The following TMEM176B variants were observed in gnomAD, a reference collection of about 807,000 sequenced individuals.
The protein encoded by TMEM176B is transmembrane protein 176B.
In TMEM176B, 28 loss-of-function variants were observed where a neutral mutation model predicts 30.3. The observed-to-expected ratio is 0.92, with a 90% CI of 0.68 to 1.27. The LOEUF is 1.27. Ranked by LOEUF, TMEM176B falls within the 50% of genes most tolerant of loss-of-function variation. The pLI is 0.00. For synonymous variants in TMEM176B, 123 were observed against 130.3 expected (o/e 0.94, Z 0.38); for missense variants, 349 against 327.4 (o/e 1.07, Z -0.51).
intron 1 of TMEM176B, chr7:150,796,800 A>C: frequency 2.0e-6 from 1 of 508,942 alleles, no homozygotes; most frequent in Non-Finnish European, 3.6e-6. Context: ...CTCTACTAAA[A>C]ATACAAAAAT....
chr7:150,800,570 G>A (rs140839266), upstream of TMEM176B: 1,733 of 152,482 alleles, frequency 0.011, 37 homozygotes, highest in African/African-American at 0.039. Context: ...GGGCGGGGCT[G>A]GAGGCGAGAA....
chr7:150,799,162 T>C (rs995527716), intron 1 of TMEM176B, among the ~76,000 whole-genome samples: 5 of 152,378 alleles, frequency 3.3e-5, no homozygotes, highest in Non-Finnish European at 4.4e-5. Flanking sequence ...GTTGCTGTCA[T>C]TCAGATGTTT....
chr7:150,796,594 T>C lies in TMEM176B; in HGVS notation c.-5-20A>G, dbSNP rs746053526. On this transcript the variant is annotated intron_variant, in intron 1 of 6. Coordinates refer to ENST00000326442, the MANE Select transcript of TMEM176B (RefSeq NM_001101312.2). ...TCCTGCCTGCCAGGGAGAAGACATATAGCAGTGAGGTCTGGGAACTAGGCG... is the reference window on the plus strand; with the variant it reads ...TCCTGCCTGCCAGGGAGAAGACATACAGCAGTGAGGTCTGGGAACTAGGCG... 1.5e-5 allele frequency: 24 copies of C among 1,611,998 alleles called. No homozygotes were observed. The South Asian group carries it at 2.3e-4, about 16-fold the overall frequency.
At chr7:150,796,159 T>C (rs999941513) in intron 2 of TMEM176B, among the ~76,000 whole-genome samples, 3 of 152,182 alleles carry the variant, frequency 2.0e-5, no homozygotes, top group Non-Finnish European at 4.4e-5. Context: ...TGAAGGGCAA[T>C]ATGTAACATT....
chr7:150,793,834 A>G, intron 3 of TMEM176B, 127 bp downstream of exon 3: 2 of 944,582 alleles, frequency 2.1e-6, no homozygotes, highest in Non-Finnish European at 3.2e-6. Context: ...CAGCCTCCTC[A>G]TGGCCAAAGG....
chr7:150,792,287 A>ACTGTGTTTCCAG, intron 5 of TMEM176B, 112 bp from the exon 6 acceptor site: 1 of 1,366,844 alleles, frequency 7.3e-7, no homozygotes, highest in Non-Finnish European at 1.0e-6. Context: ...TGCTGCTCCC[A>ACTGTGTTTCCAG]CCACAGCTGA....
intron 2 of TMEM176B, among the ~76,000 whole-genome samples, chr7:150,795,152 C>T (rs1798477996): frequency 6.6e-6 from 1 of 152,186 alleles, no homozygotes; most frequent in African/African-American, 2.4e-5. Context: ...GATCCTCGAT[C>T]CTTCTCACCT....
intron 1 of TMEM176B, among the ~76,000 whole-genome samples, chr7:150,798,302 T>C (rs1798604686): frequency 6.6e-6 from 1 of 152,234 alleles, no homozygotes; most frequent in African/African-American, 2.4e-5. Flanking sequence ...TTATTCATTT[T>C]TTGAGATGGA....
At chr7:150,793,883 C>T in intron 3 of TMEM176B, 78 bp downstream of exon 3, 1 of 1,321,050 alleles carries the variant, frequency 7.6e-7, no homozygotes, top group Non-Finnish European at 1.1e-6. Context: ...TCCCCAAAGC[C>T]CCAACCAAGA....
intron 1 of TMEM176B, among the ~76,000 whole-genome samples, chr7:150,799,770 G>T (rs920122465): frequency 2.4e-4 from 36 of 152,012 alleles, no homozygotes; most frequent in Non-Finnish European, 3.7e-4. Flanking sequence ...CTACCTCCGG[G>T]CCCCCAGGAC....
rs1391319941 is a variant in TMEM176B at position 150,793,184 on chromosome 7, GT to G, written c.503del (p.Asp168AlafsTer32). The G allele has an allele frequency of 2.5e-6, 4 of 1,614,088 alleles. No homozygotes were observed. In the African/African-American group the frequency reaches 5.3e-5, roughly 22 times the overall value. On this transcript the variant is annotated frameshift_variant, in exon 5 of 7. Transcript: ENST00000326442. LOFTEE classifies it high-confidence loss of function. ...LYIDTVCDRS[D>X]PVFPTTGYRW... Reference sequence around the variant, plus strand: ...TGTACCCAGTGGTAGGGAAGACAGGGTCTGAGCGATCACACACAGTGTCGAT... The same window carrying G: ...TGTACCCAGTGGTAGGGAAGACAGGGCTGAGCGATCACACACAGTGTCGAT...
Position 150,796,459 on chromosome 7 carries a change from C to T in TMEM176B, c.111G>A (p.Leu37=), listed in dbSNP as rs1456544336. Residue 37 remains leucine (L), a synonymous_variant, in exon 2 of 7, where the codon CTG becomes CTA. Transcript: ENST00000326442. Reference sequence around the variant, plus strand: ...ACTTCTTCAGAGAACCTCCAGCTTTCAGCAGTTGTGTCAAAGCTGACTCCT... The same window carrying T: ...ACTTCTTCAGAGAACCTCCAGCTTTTAGCAGTTGTGTCAAAGCTGACTCCT... The part of the protein sequence containing the change: ...IHQESALTQL[L]KAGGSLKKFL... 9.3e-6 allele frequency: 15 copies of T among 1,614,078 alleles called. No individual in the cohort carries two copies. The highest frequency in any genetic ancestry group is 2.2e-5 in the East Asian group (1 of 44,890).
Position 150,793,273 on chromosome 7 carries a change from C to A in TMEM176B, c.415G>T (p.Ala139Ser). 14 of 1,614,200 alleles carry A rather than the reference C, an allele frequency of 8.7e-6. No homozygotes were observed. Among genetic ancestry groups the A allele is most frequent in the Non-Finnish European group, 1.1e-5 (13 of 1,180,044 alleles). The change falls in exon 5 of 7, where the codon GCT becomes TCT. Residue 139 changes from alanine (A) to serine (S), a missense_variant. Ala to Ser is a moderately conservative substitution (Grantham distance 99). Coordinates refer to ENST00000326442, the MANE Select transcript of TMEM176B (RefSeq NM_001101312.2). ...ACGCAGAGGACAACAGCAGCCATAG[C>A]TGTAGCAAAGCCTGCCAGGGTGAGC... ...SLLTLAGFAT[A>S]MAAVVLCVNS...
chr7:150,792,747 G>A (rs574827155), intron 5 of TMEM176B, among the ~76,000 whole-genome samples: 14 of 152,302 alleles, frequency 9.2e-5, no homozygotes, highest in African/African-American at 1.9e-4. Context: ...TCACAGCACC[G>A]TGAGAAATAA....
chr7:150,796,543 A>G lies in TMEM176B; in HGVS notation c.27T>C (p.Asn9=). The change falls in exon 2 of 7, where the codon AAT becomes AAC. Residue 9 remains asparagine, a synonymous_variant. Coordinates refer to ENST00000326442, the MANE Select transcript of TMEM176B (RefSeq NM_001101312.2). The part of the protein sequence containing the change: MTQNTVIV[N]GVAMASRPSQ... Reference sequence around the variant, plus strand: ...ATGGCCTAGAGGCCATAGCAACTCCATTCACAATCACCGTGTTTTGCGTCA... The same window carrying G: ...ATGGCCTAGAGGCCATAGCAACTCCGTTCACAATCACCGTGTTTTGCGTCA... 6.2e-7 allele frequency: 1 copy of G among 1,614,172 alleles called. No individual in the cohort carries two copies. The highest frequency in any genetic ancestry group is 1.1e-5 in the South Asian group (1 of 91,082).
rs1798319697 is a variant in TMEM176B at position 150,791,771 on chromosome 7, C to T, written c.721-148G>A. 7 of 844,918 alleles carry T rather than the reference C, an allele frequency of 8.3e-6. No individual in the cohort carries two copies. The South Asian group carries it at 1.1e-4, about 13-fold the overall frequency. 52.3% of individuals were successfully genotyped at this position (844,918 alleles called of 1,614,324 possible). A position where few individuals can be genotyped will look rare whatever the true frequency, so the allele number is the denominator to read the frequency against. ...ATCAGGCAAAAAAAAAACAAGGTGG[C>T]AGAGGAAGGGGAGTCAGACGAACAC... is the stretch of plus-strand genomic sequence containing the variant. On this transcript the variant is annotated intron_variant, in intron 6 of 6. Coordinates refer to ENST00000326442, the MANE Select transcript of TMEM176B (RefSeq NM_001101312.2).
At position 150,793,084 on chromosome 7, in the gene TMEM176B, T is replaced by C; in HGVS notation, c.600+4A>G. On this transcript the variant is annotated splice_donor_region_variant and intron_variant, in intron 5 of 6. Coordinates refer to ENST00000326442, the MANE Select transcript of TMEM176B (RefSeq NM_001101312.2). Reference sequence around the variant, plus strand: ...TCCCCGAAGACTGGACTCTTCCTGCTCACCCTCAGCATCTGCATGTAAGCT... The same window carrying C: ...TCCCCGAAGACTGGACTCTTCCTGCCCACCCTCAGCATCTGCATGTAAGCT... 6.2e-7 allele frequency: 1 copy of C among 1,613,922 alleles called. No individual in the cohort carries two copies. Among genetic ancestry groups the C allele is most frequent in the African/African-American group, 1.3e-5 (1 of 75,038 alleles).
chr7:150,796,831 G>T, intron 1 of TMEM176B: 1 of 398,560 alleles, frequency 2.5e-6, no homozygotes, highest in South Asian at 2.4e-5. Flanking sequence ...GTGTGCACCT[G>T]TAGTCCCAGC....
Position 150,791,621 on chromosome 7 carries a change from A to C in TMEM176B, c.723T>G (p.Asn241Lys). The change falls in exon 7 of 7, where the codon AAT (asparagine) becomes AAG (lysine). Residue 241 changes from asparagine to lysine, a missense_variant and splice_region_variant. Physicochemically the swap from Asn to Lys is moderately conservative, Grantham distance 94. Coordinates refer to ENST00000326442, the MANE Select transcript of TMEM176B (RefSeq NM_001101312.2). The stretch of plus-strand genomic sequence containing the variant: ...GTAGCCTCTTCTCTGATCCTTCCTC[A>C]TTCTGGAAAAAAAAGAAAAAAGAAA... ...NLCGQSSQPL[N>K]EEGSEKRLLG... is the part of the protein sequence containing the mutation. The C allele has an allele frequency of 6.2e-7, 1 of 1,613,284 alleles. No individual in the cohort carries two copies. The highest frequency in any genetic ancestry group is 8.5e-7 in the Non-Finnish European group (1 of 1,179,648).
Sources: allele counts gnomAD v4.1 joint callset (sites outside exome capture counted in the v4.1 genomes callset), GRCh38; gene constraint gnomAD v4.1.1; transcripts MANE v1.5; gene names NCBI Gene and HGNC (gene_info 2026-07-23, HGNC 2026-07-21).